Variants in RBMS3 observed in about 807,000 individuals in gnomAD.
RBMS3 encodes the protein RNA-binding motif, single-stranded-interacting protein 3.
In RBMS3, 27 loss-of-function variants were observed where a neutral mutation model predicts 66.8. That is an observed-to-expected ratio of 0.40 (90% confidence interval 0.30 to 0.56). RBMS3 has a LOEUF of 0.56. Ranked by LOEUF, RBMS3 falls within the 20% of genes least tolerant of loss-of-function variation. RBMS3 has a pLI of 0.40. For synonymous variants in RBMS3, 188 were observed against 183.0 expected (o/e 1.03, Z -0.22); for missense variants, 513 against 549.5 (o/e 0.93, Z 0.66).
rs1316822312 is a variant in RBMS3 at position 30,009,167 on chromosome 3, ACTG to A, written c.*5307_*5309del. On this transcript the variant is annotated 3_prime_UTR_variant, in exon 15 of 15. Coordinates refer to ENST00000383767, the MANE Select transcript of RBMS3 (RefSeq NM_001003793.3). ...GAGTCATACTTGAGCTTTTCTTACT[ACTG>A]CCCCAATTTCTAAATTGTGCATAAA... 1.7e-4 allele frequency: 26 copies of A among 152,132 alleles called. No homozygotes were observed. Among genetic ancestry groups the A allele is most frequent in the Admixed American group, 1.7e-3 (26 of 15,268 alleles). 9.4% of individuals were successfully genotyped at this position (152,132 alleles called of 1,614,324 possible).
chr3:29,364,581 G>T (rs1035593903), intron 1 of RBMS3, among the ~76,000 whole-genome samples: 1 of 152,128 alleles, frequency 6.6e-6, no homozygotes, highest in Non-Finnish European at 1.5e-5. Flanking sequence ...AAACATCATA[G>T]ATAGTATCAG....
intron 10 of RBMS3, chr3:29,925,048 C>A (rs182186172): frequency 6.6e-6 from 1 of 152,128 alleles, no homozygotes; most frequent in Admixed American, 6.5e-5. Flanking sequence ...GCATTCAGAG[C>A]GGGACATAGT....
chr3:29,664,602 A>G (rs1191729959), intron 4 of RBMS3, among the ~76,000 whole-genome samples: 1 of 152,076 alleles, frequency 6.6e-6, no homozygotes, highest in African/African-American at 2.4e-5. Context: ...AAATGGTATG[A>G]TAAGCATTAT....
intron 11 of RBMS3, among the ~76,000 whole-genome samples, chr3:29,941,978 T>C (rs771636657): frequency 6.6e-6 from 1 of 151,840 alleles, no homozygotes; most frequent in African/African-American, 2.4e-5. Flanking sequence ...TCAGTCGAGA[T>C]ACTTCAAAAC....
intron 3 of RBMS3, among the ~76,000 whole-genome samples, chr3:29,557,943 G>GA (rs2046417562): frequency 6.6e-6 from 1 of 152,112 alleles, no homozygotes; most frequent in African/African-American, 2.4e-5. Context: ...TCTGATTTAA[G>GA]AAGTCATTGC....
chr3:29,580,286 G>C (rs993690080), intron 3 of RBMS3, among the ~76,000 whole-genome samples: 1 of 152,044 alleles, frequency 6.6e-6, no homozygotes, highest in African/African-American at 2.4e-5. Flanking sequence ...CAATTTATAT[G>C]GTAGTGATTA....
intron 1 of RBMS3, among the ~76,000 whole-genome samples, chr3:29,338,776 A>T (rs1315044661): frequency 1.4e-5 from 2 of 144,370 alleles, no homozygotes; most frequent in Non-Finnish European, 1.5e-5. Flanking sequence ...TATTATTATT[A>T]TATAAATAAT....
intron 2 of RBMS3, among the ~76,000 whole-genome samples, chr3:29,463,822 ATAC>A (rs1264732915): frequency 6.6e-6 from 1 of 152,106 alleles, no homozygotes; most frequent in African/African-American, 2.4e-5. Flanking sequence ...CCCACACTAC[ATAC>A]TACATTAAAC....
intron 12 of RBMS3, among the ~76,000 whole-genome samples, chr3:29,952,694 G>C (rs557565767): frequency 1.3e-5 from 2 of 151,686 alleles, no homozygotes; most frequent in East Asian, 2.0e-4. Context: ...AAGTGCTTTT[G>C]CCACCCAAGA....
intron 5 of RBMS3, among the ~76,000 whole-genome samples, chr3:29,758,222 A>G (rs6780082): frequency 0.43 from 65,427 of 152,030 alleles, 14,366 homozygotes; most frequent in African/African-American, 0.51. Flanking sequence ...ATTGAAGTAC[A>G]TCAGTCAGTA....
chr3:29,662,357 T>A (rs531283256), intron 4 of RBMS3, among the ~76,000 whole-genome samples: 1 of 152,294 alleles, frequency 6.6e-6, no homozygotes, highest in South Asian at 2.1e-4. Context: ...GAAAGGGCAT[T>A]AAGATTAACT....
chr3:29,983,269 T>C (rs79876720), intron 12 of RBMS3, among the ~76,000 whole-genome samples: 24,108 of 148,306 alleles, frequency 0.16, 2,380 homozygotes, highest in East Asian at 0.35. Flanking sequence ...ATTTGCTTGG[T>C]AAACATTCCT....
intron 10 of RBMS3, among the ~76,000 whole-genome samples, chr3:29,930,439 C>T (rs1009179011): frequency 2.0e-5 from 3 of 151,758 alleles, no homozygotes; most frequent in African/African-American, 4.8e-5. Flanking sequence ...CTAGTTACTG[C>T]CTTTCAAATT....
At chr3:29,951,602 T>C (rs1407768437) in intron 12 of RBMS3, among the ~76,000 whole-genome samples, 2 of 151,766 alleles carry the variant, frequency 1.3e-5, no homozygotes, top group African/African-American at 4.8e-5. Flanking sequence ...TCCTTTCTGC[T>C]TCCTTTCTTT....
rs905633780 is a variant in RBMS3, at chr3:29,794,459, G to A, written c.637+31470G>A. Among the ~76,000 whole-genome samples, 3 of 152,020 alleles carry A rather than the reference G, an allele frequency of 2.0e-5. No homozygotes were observed. The South Asian group carries it at 6.2e-4, about 32-fold the overall frequency. ...AAATTAGCCAGGCATGGTGGCGGGC[G>A]CCTGTAGTCCCAGCTACTCGGGAGG... On this transcript the variant is annotated intron_variant, in intron 6 of 14. Transcript: ENST00000383767.
chr3:29,631,401 G>A (rs1649949177), intron 4 of RBMS3, among the ~76,000 whole-genome samples: 1 of 151,792 alleles, frequency 6.6e-6, no homozygotes, highest in African/African-American at 2.4e-5. Flanking sequence ...GTCAGATAAA[G>A]CATTATAAAT....
chr3:29,973,327 A>G (rs1697344444), intron 12 of RBMS3, among the ~76,000 whole-genome samples: 1 of 152,034 alleles, frequency 6.6e-6, no homozygotes, highest in Non-Finnish European at 1.5e-5. Context: ...TCCAATTTGC[A>G]GGAATTTGAT....
chr3:29,943,313 G>A (rs2061434833), intron 11 of RBMS3, among the ~76,000 whole-genome samples: 1 of 151,822 alleles, frequency 6.6e-6, no homozygotes, highest in Non-Finnish European at 1.5e-5. Flanking sequence ...GTTTCTTTTA[G>A]AGTTTACCCC....
At chr3:29,295,154 G>A (rs888227705) in intron 1 of RBMS3, among the ~76,000 whole-genome samples, 2 of 151,008 alleles carry the variant, frequency 1.3e-5, no homozygotes, top group Admixed American at 1.3e-4. Context: ...TGTGATTTTG[G>A]TTTGGACTTC....
Sources: gnomAD v4.1 joint callset for allele counts (sites outside exome capture counted in the v4.1 genomes callset) on GRCh38, gnomAD v4.1.1 for gene constraint, MANE v1.5 for transcripts, NCBI Gene and HGNC (gene_info 2026-07-23, HGNC 2026-07-21) for gene names.